Variants in APC observed in about 807,000 individuals in gnomAD.
APC encodes the protein adenomatous polyposis coli protein.
APC carries 72 observed loss-of-function variants against 247.0 expected under a neutral mutation model. The ratio of observed to expected loss-of-function variants is 0.29; its 90% CI spans 0.24 to 0.35. The LOEUF (loss-of-function observed/expected upper bound fraction) is 0.35. Ranked by LOEUF, APC falls within the 10% of genes least tolerant of loss-of-function variation. The pLI, the probability that APC is intolerant of heterozygous loss-of-function variation, is 1.00. For missense variants in APC, 3,400 were observed against 3,360.7 expected, an observed-to-expected ratio of 1.01 and a Z score of -0.29; for synonymous variants, 1,254 against 1,162.5, an observed-to-expected ratio of 1.08 and a Z score of -1.60.
At chr5:112,756,873 A>G (rs1366645577) in intron 2 of APC, among the ~76,000 whole-genome samples, 1 of 152,104 alleles carries the variant, frequency 6.6e-6, no homozygotes, top group Non-Finnish European at 1.5e-5. Context: ...TTTGGATTTT[A>G]TATTTTTTCA....
In APC at chr5:112,730,827, G is replaced by C. The variant is rs469336; in HGVS notation, c.165+22945G>C. ...TAATGTTGTGACTTCAGTTAGTGTC[G>C]AACCTAGAAGTACTTAACTTAAAAA... On this transcript the variant is annotated intron_variant, in intron 1 of 13. Transcript: ENST00000507379. Among the ~76,000 whole-genome samples the C allele has an allele frequency of 0.99, 150,000 of 152,184 alleles. 73,965 individuals are homozygous for C. Among genetic ancestry groups the C allele is most frequent in the Middle Eastern group, 1 (294 of 294 alleles).
intron 5 of APC, among the ~76,000 whole-genome samples, chr5:112,776,531 T>A (rs1430735884): frequency 6.6e-6 from 1 of 152,160 alleles, no homozygotes; most frequent in Non-Finnish European, 1.5e-5. Flanking sequence ...AACACAGGGA[T>A]TTCAACTTTT....
In APC at chr5:112,751,750, CCTTT is replaced by C. The variant is rs1271930420; in HGVS notation, c.-18-3120_-18-3117del. On this transcript the variant is annotated intron_variant, in intron 1 of 15. Coordinates refer to ENST00000257430, the MANE Select transcript of APC (RefSeq NM_000038.6). ...ATTGTGTTATCTGTGAATAATGTTC[CCTTT>C]CTAATTTTTTTCTAATTTTATTCAT... 3.3e-5 allele frequency among the ~76,000 whole-genome samples: 5 copies of C among 151,540 alleles called. No homozygotes were observed. In the South Asian group the frequency reaches 1.0e-3, roughly 32 times the overall value.
At chr5:112,741,458 A>G (rs1023997276) in intron 1 of APC, among the ~76,000 whole-genome samples, 1 of 152,180 alleles carries the variant, frequency 6.6e-6, no homozygotes. Flanking sequence ...ATCAAATCAT[A>G]CATCATCAGT....
intron 2 of APC, among the ~76,000 whole-genome samples, chr5:112,762,762 A>G (rs549622793): frequency 3.3e-5 from 5 of 152,340 alleles, no homozygotes; most frequent in South Asian, 2.1e-4. Context: ...TAGTGATTAC[A>G]TGGGTGTGAA....
rs185777390 is a variant in APC at position 112,824,902 on chromosome 5, T to C, written c.1409-2206T>C. ...GGCTCTTTTCCTTTCTCTCTATGCT[T>C]CTGTTATAGTTTTTGTTTTTGTTTT... On this transcript the variant is annotated intron_variant, in intron 11 of 15. Coordinates refer to ENST00000257430, the MANE Select transcript of APC (RefSeq NM_000038.6). Among the ~76,000 whole-genome samples, 264 of 152,244 alleles carry C rather than the reference T, an allele frequency of 1.7e-3. 1 individual carries two copies. The highest frequency in any genetic ancestry group is 6.1e-3 in the African/African-American group (252 of 41,564).
At chr5:112,768,953 A>G (rs1483019619) in intron 4 of APC, among the ~76,000 whole-genome samples, 1 of 151,672 alleles carries the variant, frequency 6.6e-6, no homozygotes, top group African/African-American at 2.4e-5. Flanking sequence ...TTCTTTAACA[A>G]ATCTCTCTTT....
chr5:112,831,881 A>G (rs1005234351), intron 14 of APC, among the ~76,000 whole-genome samples: 5 of 152,212 alleles, frequency 3.3e-5, no homozygotes, highest in African/African-American at 1.2e-4. Context: ...GGTTTTGACC[A>G]AATACCTTTG....
intron 6 of APC, among the ~76,000 whole-genome samples, chr5:112,785,898 T>A (rs1189541235): frequency 6.6e-6 from 1 of 152,136 alleles, no homozygotes; most frequent in African/African-American, 2.4e-5. Context: ...CAAGAGATCT[T>A]CTTAAATATG....
In APC at chr5:112,842,858, A is replaced by T. The variant is rs730881260; in HGVS notation, c.7264A>T (p.Thr2422Ser). The change falls in exon 16 of 16, where the codon ACT (threonine) becomes TCT (serine). Residue 2422 changes from threonine (T) to serine (S), a missense_variant. Transcript: ENST00000257430. ...KKVELSRMSS[T>S]KSSGSESDRS... ...GGTAGAACTTTCTAGAATGTCTTCAACTAAATCAAGTGGAAGTGAATCTGA... is the reference window on the plus strand; with the variant it reads ...GGTAGAACTTTCTAGAATGTCTTCATCTAAATCAAGTGGAAGTGAATCTGA... 3 of 1,613,898 alleles carry T rather than the reference A, an allele frequency of 1.9e-6. No homozygotes were observed. Among genetic ancestry groups the T allele is most frequent in the Non-Finnish European group, 2.5e-6 (3 of 1,179,936 alleles).
chr5:112,710,455 C>G (rs145727716), intron 1 of APC, among the ~76,000 whole-genome samples: 1,570 of 152,228 alleles, frequency 0.01, 12 homozygotes, highest in Non-Finnish European at 0.016. Context: ...GAGCAACCCC[C>G]TCCCTCCAGA....
At chr5:112,794,828 A>G (rs775911128) in intron 7 of APC, among the ~76,000 whole-genome samples, 2 of 152,172 alleles carry the variant, frequency 1.3e-5, no homozygotes, top group Non-Finnish European at 2.9e-5. Context: ...AATTCATTAG[A>G]ATGGCTCACA....
At chr5:112,827,781 T>A (rs1303009929) in intron 12 of APC, 148 bp from the exon 13 acceptor site, 1 of 681,260 alleles carries the variant, frequency 1.5e-6, no homozygotes, top group East Asian at 2.7e-5. Context: ...TTTATTTAGG[T>A]AATCTTATTC....
At chr5:112,780,284 T>G (rs1031603543) in intron 5 of APC, among the ~76,000 whole-genome samples, 2 of 152,206 alleles carry the variant, frequency 1.3e-5, no homozygotes, top group South Asian at 2.1e-4. Context: ...AGGCTTTTTC[T>G]TGTCCCATAT....
rs794729227 is a variant in APC, at chr5:112,766,360, A to G, written c.170A>G (p.Asp57Gly). The change falls in exon 3 of 16, where the codon GAT becomes GGT. Residue 57 changes from aspartate to glycine, a missense_variant. Transcript: ENST00000257430. The part of the protein sequence containing the change: ...VLKQLQGSIE[D>G]EAMASSGQID... ...AAACAACTACAAGGAAGTATTGAAG[A>G]TGAAGCTATGGCTTCTTCTGGACAG... 6.2e-7 allele frequency: 1 copy of G among 1,611,858 alleles called. No individual in the cohort carries two copies. The highest frequency in any genetic ancestry group is 1.1e-5 in the South Asian group (1 of 91,018).
At chr5:112,719,552 T>C (rs1751368491) in intron 1 of APC, among the ~76,000 whole-genome samples, 3 of 151,354 alleles carry the variant, frequency 2.0e-5, no homozygotes, top group South Asian at 4.2e-4. Flanking sequence ...TTTTTTTTTT[T>C]TTTTGGAGAC....
intron 8 of APC, among the ~76,000 whole-genome samples, chr5:112,803,225 G>A (rs1330988936): frequency 2.0e-5 from 3 of 152,090 alleles, no homozygotes; most frequent in African/African-American, 7.2e-5. Flanking sequence ...AATGCATCTA[G>A]CATTATTTAT....
At chr5:112,795,239 G>T (rs867647860) in intron 7 of APC, among the ~76,000 whole-genome samples, 19 of 152,100 alleles carry the variant, frequency 1.2e-4, no homozygotes, top group African/African-American at 4.6e-4. Context: ...TATTGGCCAG[G>T]CTGGGCTTGA....
At chr5:112,797,092 T>C (rs1051574158) in intron 7 of APC, among the ~76,000 whole-genome samples, 1 of 152,272 alleles carries the variant, frequency 6.6e-6, no homozygotes, top group South Asian at 2.1e-4. Flanking sequence ...GTTCAAAACT[T>C]TTTATTCATA....
Sources: gnomAD v4.1 joint callset for allele counts (sites outside exome capture counted in the v4.1 genomes callset) on GRCh38, gnomAD v4.1.1 for gene constraint, MANE v1.5 for transcripts, NCBI Gene and HGNC (gene_info 2026-07-23, HGNC 2026-07-21) for gene names.